NFIC: variants seen among roughly 807,000 people sequenced by gnomAD.
The protein encoded by NFIC is nuclear factor 1 C-type.
NFIC carries 12 observed loss-of-function variants against 54.4 expected under a neutral mutation model. That is an observed-to-expected ratio of 0.22 (90% CI 0.14 to 0.36). The LOEUF (loss-of-function observed/expected upper bound fraction) is 0.36, where lower values mean the gene tolerates loss of function less well. Ranked by LOEUF, NFIC falls within the 10% of genes least tolerant of loss-of-function variation. The probability of loss-of-function intolerance (pLI) is 1.00; values close to 1 mark genes in which losing one functional copy is unlikely to be tolerated. For synonymous variants in NFIC, 322 were observed against 319.2 expected, an observed-to-expected ratio of 1.01 and a Z score of -0.09; for missense variants, 575 against 718.2, an observed-to-expected ratio of 0.80 and a Z score of 2.28.
intron 2 of NFIC, among the ~76,000 whole-genome samples, chr19:3,392,841 G>A (rs1270209153): frequency 2.6e-5 from 4 of 152,250 alleles, no homozygotes; most frequent in African/African-American, 4.8e-5. Context: ...CGGATGTCTC[G>A]TCCAGATGGG....
At chr19:3,379,777 C>A (rs1296710889) in intron 1 of NFIC, among the ~76,000 whole-genome samples, 1 of 144,186 alleles carries the variant, frequency 6.9e-6, no homozygotes, top group East Asian at 2.2e-4. Context: ...GCAGCCTTGA[C>A]CTCCTGGGCT....
At chr19:3,371,198 TCTC>T (rs981955848) in intron 1 of NFIC, among the ~76,000 whole-genome samples, 1 of 151,990 alleles carries the variant, frequency 6.6e-6, no homozygotes, top group Admixed American at 6.6e-5. Flanking sequence ...CTAAACTAAT[TCTC>T]CTCTTTCCTG....
In NFIC at chr19:3,393,395, A is replaced by G. The variant is rs149424716; in HGVS notation, c.562+11152A>G. Reference sequence around the variant, plus strand: ...ATCTCAACGCTGAAGTGGTTTCTAGATTCTCCAGGGCATGAGTCCTGAAAT... The same window carrying G: ...ATCTCAACGCTGAAGTGGTTTCTAGGTTCTCCAGGGCATGAGTCCTGAAAT... On this transcript the variant is annotated intron_variant, in intron 2 of 10. Coordinates refer to ENST00000443272, the MANE Select transcript of NFIC (RefSeq NM_001245002.2). Among the ~76,000 whole-genome samples, 21 of 152,224 alleles carry G rather than the reference A, an allele frequency of 1.4e-4. 1 individual carries two copies. In the East Asian group the frequency reaches 3.7e-3, roughly 27 times the overall value.
In NFIC at chr19:3,467,788, T is replaced by TACATATATATATATATATATATATATAA. The variant is rs566623409; in HGVS notation, c.*5020_*5021insCATATATATATATATATATATATATAAA. The TACATATATATATATATATATATATATAA allele has an allele frequency of 8.5e-4, 116 of 136,794 alleles. 1 individual carries two copies. The highest frequency in any genetic ancestry group is 3.0e-3 in the African/African-American group (107 of 35,416). 8.5% of individuals were successfully genotyped at this position (136,794 alleles called of 1,614,324 possible). A position where few individuals can be genotyped will look rare whatever the true frequency, so the allele number is the denominator to read the frequency against. ...ATATATATATATATATATATATATA[T>TACATATATATATATATATATATATATAA]AATTTTGGAATTTGTTTCTCATAAT... On this transcript the variant is annotated 3_prime_UTR_variant, in exon 11 of 11. Transcript: ENST00000443272.
chr19:3,465,174 A>AAAAG lies in NFIC; in HGVS notation c.*2405_*2406insAAAG, dbSNP rs1555685262. On this transcript the variant is annotated 3_prime_UTR_variant, in exon 11 of 11. Coordinates refer to ENST00000443272, the MANE Select transcript of NFIC (RefSeq NM_001245002.2). ...TTTAAAAAAAAAAAAAAAAAAAAAA[A>AAAAG]GATACAAGAAAAACCTTTAAAAAAA... 6.9e-6 allele frequency: 1 copy of AAAAG among 144,404 alleles called. No homozygotes were observed. The highest frequency in any genetic ancestry group is 2.6e-5 in the African/African-American group (1 of 39,100). The allele number at this position is 144,404 out of a possible 1,614,324, so 8.9% of individuals were successfully genotyped here. A position where few individuals can be genotyped will look rare whatever the true frequency, so the allele number is the denominator to read the frequency against.
intron 1 of NFIC, among the ~76,000 whole-genome samples, chr19:3,366,917 C>T (rs1483042060): frequency 6.6e-6 from 1 of 151,902 alleles, no homozygotes. Flanking sequence ...CCCCGACTCT[C>T]GGGACCTCTC....
intron 1 of NFIC, among the ~76,000 whole-genome samples, chr19:3,361,199 G>C (rs2080806726): frequency 1.3e-5 from 2 of 152,192 alleles, no homozygotes; most frequent in African/African-American, 4.8e-5. Context: ...CGCAGACGTC[G>C]CTCGCCAGGG....
intron 3 of NFIC, among the ~76,000 whole-genome samples, chr19:3,426,803 A>T (rs2082034405): frequency 6.6e-6 from 1 of 152,040 alleles, no homozygotes. Context: ...CTCTGTCTAA[A>T]CAGCCAACTA....
Position 3,394,522 on chromosome 19 carries a change from CA to C in NFIC, c.562+12280del, listed in dbSNP as rs201635325. Among the ~76,000 whole-genome samples the C allele has an allele frequency of 1.8e-3, 107 of 58,722 alleles. 9 individuals are homozygous for C. Among genetic ancestry groups the C allele is most frequent in the African/African-American group, 6.0e-3 (56 of 9,284 alleles). The allele number at this position is 58,722 out of a possible 152,430, so 38.5% of individuals were successfully genotyped here. ...GGTATTTTATGATCTTTTCCCCACC[CA>C]CCCCCCACCCGCTTACACTAAGTCT... On this transcript the variant is annotated intron_variant, in intron 2 of 10. Coordinates refer to ENST00000443272, the MANE Select transcript of NFIC (RefSeq NM_001245002.2).
In NFIC at chr19:3,449,139, G is replaced by A. The variant is rs1378102963; in HGVS notation, c.1084G>A (p.Gly362Arg). The change falls in exon 7 of 11, where the codon GGG becomes AGG. Residue 362 changes from glycine (G) to arginine (R), a missense_variant and splice_region_variant. By Grantham distance (125) the Gly-to-Arg change is moderately radical (BLOSUM62 -2). This residue lies in a region of NFIC where 447 missense variants were observed against 526.9 expected (regional missense o/e 0.85). Coordinates refer to ENST00000443272, the MANE Select transcript of NFIC (RefSeq NM_001245002.2). Reference protein sequence around the residue: ...HHRPVIAVHSGIARSPHPSSA... With the variant: ...HHRPVIAVHSRIARSPHPSSA... Reference sequence around the variant, plus strand: ...CCGGCCCGTCATCGCCGTGCACAGCGGTAAGCGCCACGGGCCCCTGGCGGG... The same window carrying A: ...CCGGCCCGTCATCGCCGTGCACAGCAGTAAGCGCCACGGGCCCCTGGCGGG... 19 of 1,611,264 alleles carry A rather than the reference G, an allele frequency of 1.2e-5. No individual in the cohort carries two copies. Among genetic ancestry groups the A allele is most frequent in the Non-Finnish European group, 1.6e-5 (19 of 1,178,738 alleles).
rs569020735 is a variant in NFIC at position 3,385,573 on chromosome 19, G to GTTTTTTTTT, written c.562+3339_562+3347dup. On this transcript the variant is annotated intron_variant, in intron 2 of 10. Coordinates refer to ENST00000443272, the MANE Select transcript of NFIC (RefSeq NM_001245002.2). The stretch of plus-strand genomic sequence containing the variant: ...TTTGGGGGTTTTTTTGGTTGTTGTT[G>GTTTTTTTTT]TTTTTTTTTTTTTTTTTGAGACAGA... Among the ~76,000 whole-genome samples the GTTTTTTTTT allele has an allele frequency of 5.5e-5, 6 of 109,248 alleles. 1 individual carries two copies. The highest frequency in any genetic ancestry group is 1.3e-4 in the African/African-American group (4 of 30,634). The allele number at this position is 109,248 out of a possible 152,430, so 71.7% of individuals were successfully genotyped here.
chr19:3,445,699 C>G (rs950024400), intron 6 of NFIC, among the ~76,000 whole-genome samples: 1 of 152,186 alleles, frequency 6.6e-6, no homozygotes, highest in Non-Finnish European at 1.5e-5. Context: ...TGGGCTCCCC[C>G]TGGGCTGCAG....
intron 2 of NFIC, among the ~76,000 whole-genome samples, chr19:3,386,037 C>T (rs1437432530): frequency 1.3e-5 from 2 of 151,928 alleles, no homozygotes; most frequent in Non-Finnish European, 2.9e-5. Flanking sequence ...TAATCTCCCA[C>T]TGCCAGACCT....
At chr19:3,445,162 T>TACAC (rs57782501) in intron 6 of NFIC, among the ~76,000 whole-genome samples, 2 of 151,442 alleles carry the variant, frequency 1.3e-5, no homozygotes, top group East Asian at 3.9e-4. Flanking sequence ...CGTGCAGGCA[T>TACAC]ACACACATAC....
upstream of NFIC, chr19:3,366,428 A>G (rs1048212842): frequency 4.2e-6 from 2 of 475,186 alleles, no homozygotes; most frequent in Non-Finnish European, 7.4e-6. Flanking sequence ...AGACGGAGGG[A>G]GAGAGGGACA....
Position 3,464,027 on chromosome 19 carries a change from C to T in NFIC, c.*1258C>T. 1.0e-6 allele frequency: 1 copy of T among 985,250 alleles called. No homozygotes were observed. 61.0% of individuals were successfully genotyped at this position (985,250 alleles called of 1,614,324 possible). A position where few individuals can be genotyped will look rare whatever the true frequency, so the allele number is the denominator to read the frequency against. On this transcript the variant is annotated 3_prime_UTR_variant, in exon 11 of 11. Coordinates refer to ENST00000443272, the MANE Select transcript of NFIC (RefSeq NM_001245002.2). ...GCAGAGCTGGGCGTCACTTCGCAAGCGTCCTGCCCTGCCGGGGCGCGGGGG... is the reference window on the plus strand; with the variant it reads ...GCAGAGCTGGGCGTCACTTCGCAAGTGTCCTGCCCTGCCGGGGCGCGGGGG...
chr19:3,440,492 G>A (rs1405392020), intron 6 of NFIC, among the ~76,000 whole-genome samples: 6 of 150,726 alleles, frequency 4.0e-5, no homozygotes, highest in African/African-American at 1.5e-4. Context: ...GGTGCAATGC[G>A]CGATCTTGAC....
At chr19:3,417,571 G>A (rs2081881391) in intron 2 of NFIC, among the ~76,000 whole-genome samples, 1 of 151,656 alleles carries the variant, frequency 6.6e-6, no homozygotes, top group African/African-American at 2.4e-5. Flanking sequence ...TTAAGGCTGG[G>A]TGTGTACTAA....
At chr19:3,410,182 A>G (rs1456049364) in intron 2 of NFIC, among the ~76,000 whole-genome samples, 1 of 151,806 alleles carries the variant, frequency 6.6e-6, no homozygotes, top group Non-Finnish European at 1.5e-5. Context: ...CTGGGACTAC[A>G]GGCGCCTGCC....
Sources: allele counts gnomAD v4.1 joint callset (sites outside exome capture counted in the v4.1 genomes callset), GRCh38; gene constraint gnomAD v4.1.1; regional missense constraint gnomAD v4.1.1; transcripts MANE v1.5; gene names NCBI Gene and HGNC (gene_info 2026-07-23, HGNC 2026-07-21).